The following RDM1 variants were observed in gnomAD, a reference collection of about 807,000 sequenced individuals.
RDM1 encodes RAD52 motif containing 1, also known as RAD52 motif-containing protein 1.
Under a neutral mutation model 27.7 loss-of-function variants are expected in RDM1, and 28 were observed. That is an observed-to-expected ratio of 1.01 (90% CI 0.75 to 1.39). The LOEUF (loss-of-function observed/expected upper bound fraction) is 1.39. Ranked by LOEUF, RDM1 falls within the 40% of genes most tolerant of loss-of-function variation. RDM1 has a pLI of 0.00. For synonymous variants in RDM1, 124 were observed against 127.5 expected (o/e 0.97, Z 0.19); for missense variants, 277 against 337.3 (o/e 0.82, Z 1.40).
chr17:35,929,736 C>T (rs760822698), intron 2 of RDM1, among the ~76,000 whole-genome samples: 2 of 152,186 alleles, frequency 1.3e-5, no homozygotes, highest in Non-Finnish European at 2.9e-5. Flanking sequence ...GCCACGGTGC[C>T]CAGCCTTATC....
In RDM1 at chr17:35,918,221, G is replaced by A; in HGVS notation, c.*121C>T. ...CTCCCCTTCGCCAGGAAAGATTTGG[G>A]CGGCCGACCCAGGTGGTTCCAGGAC... On this transcript the variant is annotated 3_prime_UTR_variant, in exon 7 of 7. Transcript: ENST00000620284. The A allele has an allele frequency of 1.3e-6, 1 of 757,824 alleles. No individual in the cohort carries two copies. The highest frequency in any genetic ancestry group is 2.2e-5 in the Admixed American group (1 of 45,808). The allele number at this position is 757,824 out of a possible 1,614,324, so 46.9% of individuals were successfully genotyped here. A position where few individuals can be genotyped will look rare whatever the true frequency, so the allele number is the denominator to read the frequency against.
At chr17:35,925,059 A>G (rs2089090695) in intron 3 of RDM1, among the ~76,000 whole-genome samples, 1 of 152,108 alleles carries the variant, frequency 6.6e-6, no homozygotes, top group Non-Finnish European at 1.5e-5. Context: ...GCTTGTACCC[A>G]GGAGGCAGAT....
Position 35,930,728 on chromosome 17 carries a change from C to T in RDM1, c.-1G>A, listed in dbSNP as rs951902470. 2 of 1,613,252 alleles carry T rather than the reference C, an allele frequency of 1.2e-6. No homozygotes were observed. The highest frequency in any genetic ancestry group is 1.3e-5 in the African/African-American group (1 of 75,038). On this transcript the variant is annotated 5_prime_UTR_variant, in exon 1 of 7. Transcript: ENST00000620284. The stretch of plus-strand genomic sequence containing the variant: ...CCGCAAAAGGTACCAACTCCGCCAT[C>T]CTCCCTTCACCGCACCTGCGCGGCT...
intron 2 of RDM1, among the ~76,000 whole-genome samples, chr17:35,929,677 A>T (rs952436249): frequency 6.6e-6 from 1 of 152,180 alleles, no homozygotes; most frequent in African/African-American, 2.4e-5. Flanking sequence ...GCTGGCCTCA[A>T]GTGATCAGCC....
At chr17:35,930,342 C>G in intron 1 of RDM1, 87 bp from the exon 2 acceptor site, 1 of 1,545,222 alleles carries the variant, frequency 6.5e-7, no homozygotes, top group South Asian at 1.1e-5. Flanking sequence ...AACCTCTCTT[C>G]GCGAAGGATG....
chr17:35,925,579 G>A lies in RDM1; in HGVS notation c.335C>T (p.Ser112Phe), dbSNP rs143240333. Residue 112 changes from serine (S) to phenylalanine (F), a missense_variant, in exon 3 of 7, where the codon TCC becomes TTC. Ser to Phe is a radical substitution (Grantham distance 155). Coordinates refer to ENST00000620284, the MANE Select transcript of RDM1 (RefSeq NM_145654.4). ...VQHQALALNS[S>F]KCQELANYYF... ...GTAATTCGCCAGTTCTTGGCATTTG[G>A]AACTGTTCAGGGCAAGGGCTTGATG... 1 of 1,614,128 alleles carries A rather than the reference G, an allele frequency of 6.2e-7. No individual in the cohort carries two copies. Among genetic ancestry groups the A allele is most frequent in the Non-Finnish European group, 8.5e-7 (1 of 1,180,010 alleles).
Position 35,918,229 on chromosome 17 carries a change from C to G in RDM1, c.*113G>C. 3 of 864,018 alleles carry G rather than the reference C, an allele frequency of 3.5e-6. No individual in the cohort carries two copies. In the South Asian group the frequency reaches 4.5e-5, roughly 13 times the overall value. The allele number at this position is 864,018 out of a possible 1,614,324, so 53.5% of individuals were successfully genotyped here. ...CGCCAGGAAAGATTTGGGCGGCCGA[C>G]CCAGGTGGTTCCAGGACTCCAGCAG... On this transcript the variant is annotated 3_prime_UTR_variant, in exon 7 of 7. Transcript: ENST00000620284.
At chr17:35,923,281 C>T (rs555775337) in intron 4 of RDM1, among the ~76,000 whole-genome samples, 47 of 139,534 alleles carry the variant, frequency 3.4e-4, no homozygotes, top group African/African-American at 5.7e-4. Context: ...AACTGGGAGG[C>T]GGAGGTTGCA....
rs1298744803 is a variant in RDM1 at position 35,930,686 on chromosome 17, G to T, written c.42C>A (p.Asp14Glu). ...LVPFAVPIES[D>E]KTLLVWELSS... ...TCAGCTCCCACACTAGCAAGGTTTTGTCACTCTCGATGGGAACCGCAAAAG... is the reference window on the plus strand; with the variant it reads ...TCAGCTCCCACACTAGCAAGGTTTTTTCACTCTCGATGGGAACCGCAAAAG... Residue 14 changes from aspartate (D) to glutamate (E), a missense_variant, in exon 1 of 7, where the codon GAC (aspartate) becomes GAA (glutamate). By Grantham distance (45) the Asp-to-Glu change is conservative. Transcript: ENST00000620284. 1 of 1,613,692 alleles carries T rather than the reference G, an allele frequency of 6.2e-7. No homozygotes were observed. The highest frequency in any genetic ancestry group is 8.5e-7 in the Non-Finnish European group (1 of 1,179,958).
rs1462550768 is a variant in RDM1 at position 35,922,666 on chromosome 17, G to A, written c.578C>T (p.Ser193Leu). ...PMDKVEEGPLSFLMKRKTAQK... is the reference protein window; with the variant it reads ...PMDKVEEGPLLFLMKRKTAQK... Reference sequence around the variant, plus strand: ...GGCTGTCTTCCTTTTCATAAGGAATGATAATGGTCCTAAATCCAACCAAAA... The same window carrying A: ...GGCTGTCTTCCTTTTCATAAGGAATAATAATGGTCCTAAATCCAACCAAAA... Residue 193 changes from serine (S) to leucine (L), a missense_variant, in exon 5 of 7, where the codon TCA (serine) becomes TTA (leucine). Physicochemically the swap from Ser to Leu is moderately radical, Grantham distance 145 (BLOSUM62 -2). Transcript: ENST00000620284. The A allele has an allele frequency of 6.2e-7, 1 of 1,605,332 alleles. No homozygotes were observed. Among genetic ancestry groups the A allele is most frequent in the Non-Finnish European group, 8.5e-7 (1 of 1,177,778 alleles).
In RDM1 at chr17:35,918,317, C is replaced by T. The variant is rs143911099; in HGVS notation, c.*25G>A. The T allele has an allele frequency of 9.5e-5, 152 of 1,595,152 alleles. No homozygotes were observed. In the African/African-American group the frequency reaches 1.8e-3, roughly 18 times the overall value. On this transcript the variant is annotated 3_prime_UTR_variant, in exon 7 of 7. Coordinates refer to ENST00000620284, the MANE Select transcript of RDM1 (RefSeq NM_145654.4). ...AGAGCTTCCCAAGGAAGTTACATGACCTCGCCTTGGGATATTCAGAAATGC... is the reference window on the plus strand; with the variant it reads ...AGAGCTTCCCAAGGAAGTTACATGATCTCGCCTTGGGATATTCAGAAATGC...
At chr17:35,920,456 C>T (rs796484376) in intron 5 of RDM1, among the ~76,000 whole-genome samples, 184 bp from the exon 6 acceptor site, 8,545 of 117,828 alleles carry the variant, frequency 0.073, 421 homozygotes, top group African/African-American at 0.17. Context: ...TTCTTTCTTT[C>T]TTTTTTTTTT....
chr17:35,918,470 G>A, intron 6 of RDM1, 27 bp from the exon 7 acceptor site: 1 of 1,576,858 alleles, frequency 6.3e-7, no homozygotes, highest in Non-Finnish European at 8.7e-7. Context: ...AGTTAGGGTG[G>A]CAGGCAGAAC....
chr17:35,924,602 A>T lies in RDM1; in HGVS notation c.568+2T>A. On this transcript the variant is annotated splice_donor_variant, in intron 4 of 6. Transcript: ENST00000620284. LOFTEE classifies it high-confidence loss of function. ...CCTCCTCCACTCCCAGTGAAAACAG[A>T]CCTTCCTCCACCTTATCCATAGGCT... 1 of 1,608,594 alleles carries T rather than the reference A, an allele frequency of 6.2e-7. No homozygotes were observed. The highest frequency in any genetic ancestry group is 1.3e-5 in the African/African-American group (1 of 74,908).
chr17:35,929,966 G>A, intron 2 of RDM1, 110 bp downstream of exon 2: 2 of 976,344 alleles, frequency 2.0e-6, no homozygotes, highest in Non-Finnish European at 3.1e-6. Context: ...GATTAGTGTG[G>A]CAATGCATCT....
At chr17:35,924,804 G>T (rs1275439915) in intron 3 of RDM1, 32 bp from the exon 4 acceptor site, 1 of 1,601,972 alleles carries the variant, frequency 6.2e-7, no homozygotes, top group Non-Finnish European at 8.5e-7. Context: ...GGTCCTTCCT[G>T]GGGTCTTAAT....
Position 35,930,740 on chromosome 17 carries a change from G to T in RDM1, c.-13C>A, listed in dbSNP as rs770350030. ...CCAACTCCGCCATCCTCCCTTCACC[G>T]CACCTGCGCGGCTAACCCTCGCCCC... On this transcript the variant is annotated 5_prime_UTR_variant, in exon 1 of 7. Transcript: ENST00000620284. 6.2e-7 allele frequency: 1 copy of T among 1,610,882 alleles called. No individual in the cohort carries two copies. The highest frequency in any genetic ancestry group is 8.5e-7 in the Non-Finnish European group (1 of 1,178,486).
At chr17:35,922,332 C>T in intron 5 of RDM1, 1 of 490,314 alleles carries the variant, frequency 2.0e-6, no homozygotes. Flanking sequence ...CTGGCTTAAA[C>T]ATTTTCTGTG....
At chr17:35,925,720 A>T in intron 2 of RDM1, 83 bp from the exon 3 acceptor site, 2 of 1,464,282 alleles carry the variant, frequency 1.4e-6, no homozygotes, top group Non-Finnish European at 1.9e-6. Flanking sequence ...GTCAATACCA[A>T]GTGTGCAATG....
Sources: allele counts gnomAD v4.1 joint callset (sites outside exome capture counted in the v4.1 genomes callset), GRCh38; gene constraint gnomAD v4.1.1; transcripts MANE v1.5; gene names NCBI Gene and HGNC (gene_info 2026-07-23, HGNC 2026-07-21).